NELL1: variants seen among roughly 807,000 people sequenced by gnomAD.
The protein encoded by NELL1 is protein kinase C-binding protein NELL1.
NELL1 carries 76 observed loss-of-function variants against 107.4 expected under a neutral mutation model. That is an observed-to-expected ratio of 0.71 (90% CI 0.59 to 0.86). The LOEUF (loss-of-function observed/expected upper bound fraction) is 0.86, where lower values mean the gene tolerates loss of function less well. Among genes scored for constraint, NELL1 ranks in the 40% least tolerant of loss-of-function variants. The pLI is 0.00. For missense variants in NELL1, 1,024 were observed against 1,005.5 expected, an observed-to-expected ratio of 1.02 and a Z score of -0.25; for synonymous variants, 353 against 341.2, an observed-to-expected ratio of 1.03 and a Z score of -0.38.
chr11:20,921,146 T>C (rs186213140), intron 7 of NELL1, among the ~76,000 whole-genome samples: 10 of 152,216 alleles, frequency 6.6e-5, no homozygotes, highest in Non-Finnish European at 1.0e-4. Context: ...AGTATAATAA[T>C]TTAAATTATA....
intron 13 of NELL1, among the ~76,000 whole-genome samples, chr11:21,200,422 G>C (rs983244242): frequency 7.2e-5 from 11 of 151,948 alleles, no homozygotes; most frequent in Non-Finnish European, 1.5e-4. Flanking sequence ...TTTCATGTTT[G>C]TTGGCCACAT....
chr11:20,760,931 C>T (rs2133957358), intron 2 of NELL1, among the ~76,000 whole-genome samples: 1 of 152,312 alleles, frequency 6.6e-6, no homozygotes, highest in Non-Finnish European at 1.5e-5. Context: ...GGCCCAACAT[C>T]TCTAAATGCG....
chr11:21,168,321 C>CTT (rs144724949), intron 13 of NELL1, among the ~76,000 whole-genome samples: 3 of 150,450 alleles, frequency 2.0e-5, no homozygotes, highest in Admixed American at 6.6e-5. Flanking sequence ...AATGCTCTTC[C>CTT]TTTTTTTTTA....
intron 14 of NELL1, among the ~76,000 whole-genome samples, chr11:21,350,189 C>T (rs1183540299): frequency 1.3e-5 from 2 of 152,014 alleles, no homozygotes; most frequent in Non-Finnish European, 2.9e-5. Context: ...ATGCTCACTG[C>T]TTTGATAGTC....
At position 21,033,267 on chromosome 11, in the gene NELL1, A is replaced by C. The variant is rs115427233; in HGVS notation, c.1300+72707A>C. On this transcript the variant is annotated intron_variant, in intron 12 of 19. Coordinates refer to ENST00000357134, the MANE Select transcript of NELL1 (RefSeq NM_006157.5). ...TGGTGATTGTCATAAAATCTGGAAAATTTTCAGCTATTCTCCAAGTATTTT... is the reference window on the plus strand; with the variant it reads ...TGGTGATTGTCATAAAATCTGGAAACTTTTCAGCTATTCTCCAAGTATTTT... 3.3e-3 allele frequency among the ~76,000 whole-genome samples: 508 copies of C among 152,186 alleles called. 3 individuals carry two copies. The highest frequency in any genetic ancestry group is 0.012 in the African/African-American group (491 of 41,510).
At chr11:21,504,946 T>G (rs1389594294) in intron 15 of NELL1, among the ~76,000 whole-genome samples, 1 of 152,176 alleles carries the variant, frequency 6.6e-6, no homozygotes, top group East Asian at 1.9e-4. Context: ...AAAGTCATGT[T>G]TAAAGCTCAT....
chr11:20,739,854 G>C (rs1461607855), intron 2 of NELL1, among the ~76,000 whole-genome samples: 1 of 152,096 alleles, frequency 6.6e-6, no homozygotes, highest in Non-Finnish European at 1.5e-5. Context: ...CTGGAAGCAC[G>C]GTTTTTAAAG....
intron 12 of NELL1, among the ~76,000 whole-genome samples, chr11:20,989,664 G>A (rs1157167886): frequency 1.3e-5 from 2 of 152,260 alleles, no homozygotes; most frequent in Non-Finnish European, 2.9e-5. Context: ...ATCATAGGCA[G>A]ATTCCATAGC....
intron 12 of NELL1, among the ~76,000 whole-genome samples, chr11:21,005,455 A>G (rs951999371): frequency 3.9e-5 from 6 of 152,292 alleles, no homozygotes; most frequent in Admixed American, 3.9e-4. Context: ...GGGAAGGAAC[A>G]TTGTTGGTTC....
intron 4 of NELL1, among the ~76,000 whole-genome samples, chr11:20,861,359 T>C (rs1848975373): frequency 1.3e-5 from 2 of 152,340 alleles, no homozygotes; most frequent in African/African-American, 4.8e-5. Flanking sequence ...AGCGGGAACA[T>C]ATTCAGGAGG....
At chr11:20,914,085 C>T (rs1294855617) in intron 5 of NELL1, among the ~76,000 whole-genome samples, 1 of 152,048 alleles carries the variant, frequency 6.6e-6, no homozygotes, top group Non-Finnish European at 1.5e-5. Context: ...TTACCTACAG[C>T]ATATTGTAGT....
chr11:20,683,512 T>A (rs1854238285), intron 2 of NELL1, among the ~76,000 whole-genome samples: 1 of 152,082 alleles, frequency 6.6e-6, no homozygotes, highest in Non-Finnish European at 1.5e-5. Context: ...TTCCCATCTG[T>A]GTCTGTGCTC....
chr11:21,104,901 T>C (rs1228264032), intron 12 of NELL1, among the ~76,000 whole-genome samples: 1 of 152,190 alleles, frequency 6.6e-6, no homozygotes, highest in Non-Finnish European at 1.5e-5. Flanking sequence ...GCCTTTTCCT[T>C]GTGTCTTCAG....
At chr11:20,952,779 G>A (rs1344134679) in intron 11 of NELL1, among the ~76,000 whole-genome samples, 1 of 152,186 alleles carries the variant, frequency 6.6e-6, no homozygotes, top group African/African-American at 2.4e-5. Flanking sequence ...GCTTCCAAAA[G>A]GAGGCACATT....
intron 15 of NELL1, among the ~76,000 whole-genome samples, chr11:21,448,746 A>T (rs541871552): frequency 2.0e-5 from 3 of 152,320 alleles, no homozygotes; most frequent in Admixed American, 2.0e-4. Context: ...TCACTTCCAA[A>T]TGACAAACAC....
chr11:21,563,866 A>G (rs1487528193), intron 17 of NELL1, among the ~76,000 whole-genome samples: 1 of 152,006 alleles, frequency 6.6e-6, no homozygotes, highest in Non-Finnish European at 1.5e-5. Context: ...AATTTAATCA[A>G]GTAGAGATGT....
chr11:21,013,336 C>T (rs1279211158), intron 12 of NELL1, among the ~76,000 whole-genome samples: 1 of 152,096 alleles, frequency 6.6e-6, no homozygotes. Context: ...TCATTCTGGC[C>T]ACAGGGTATA....
intron 13 of NELL1, among the ~76,000 whole-genome samples, chr11:21,219,445 G>T (rs1456883071): frequency 1.3e-5 from 2 of 152,066 alleles, no homozygotes; most frequent in African/African-American, 4.8e-5. Context: ...TCTATACTCT[G>T]TTGTTTCTTT....
chr11:21,080,920 C>G (rs1854252264), intron 12 of NELL1, among the ~76,000 whole-genome samples: 1 of 151,984 alleles, frequency 6.6e-6, no homozygotes, highest in Non-Finnish European at 1.5e-5. Flanking sequence ...CACACACACA[C>G]AGAGATAAAA....
Sources: gnomAD v4.1 joint callset for allele counts (sites outside exome capture counted in the v4.1 genomes callset) on GRCh38, gnomAD v4.1.1 for gene constraint, MANE v1.5 for transcripts, NCBI Gene and HGNC (gene_info 2026-07-23, HGNC 2026-07-21) for gene names.